NEBL: variants seen among roughly 807,000 people sequenced by gnomAD.
NEBL encodes the protein nebulette, also known as LIM and SH3 protein 2.
NEBL carries 122 observed loss-of-function variants against 140.2 expected under a neutral mutation model. The ratio of observed to expected loss-of-function variants is 0.87; its 90% CI spans 0.75 to 1.01. The LOEUF (loss-of-function observed/expected upper bound fraction) is 1.01, where lower values mean the gene tolerates loss of function less well. NEBL is among the 50% of genes least tolerant of loss of function. The probability of loss-of-function intolerance (pLI) is 0.00; values close to 1 mark genes in which losing one functional copy is unlikely to be tolerated. For synonymous variants in NEBL, 436 were observed against 398.9 expected, an observed-to-expected ratio of 1.09 and a Z score of -1.11; for missense variants, 1,365 against 1,231.3, an observed-to-expected ratio of 1.11 and a Z score of -1.62.
At position 21,137,098 on chromosome 10, in the gene NEBL, C is replaced by T. The variant is rs555511043; in HGVS notation, c.164+35285G>A. On this transcript the variant is annotated intron_variant, in intron 2 of 6. Transcript: ENST00000417816. ...TACAGGGAAGTGATTAAAGCATGGT[C>T]GTTGGTCTTAGGTAGATATGGGTCT... Among the ~76,000 whole-genome samples, 17 of 152,256 alleles carry T rather than the reference C, an allele frequency of 1.1e-4. No individual in the cohort carries two copies. The East Asian group carries it at 3.1e-3, about 28-fold the overall frequency.
intron 3 of NEBL, among the ~76,000 whole-genome samples, chr10:21,006,593 T>C (rs545072129): frequency 3.9e-5 from 6 of 152,114 alleles, no homozygotes; most frequent in Admixed American, 6.5e-5. Flanking sequence ...ACTGATGGAG[T>C]TCACTATACC....
intron 4 of NEBL, among the ~76,000 whole-genome samples, chr10:20,903,240 A>G (rs1847947657): frequency 6.6e-6 from 1 of 152,238 alleles, no homozygotes; most frequent in Non-Finnish European, 1.5e-5. Context: ...AAGAAGATAT[A>G]CAAATGGCTC....
intron 3 of NEBL, among the ~76,000 whole-genome samples, chr10:21,188,502 CAT>C (rs966017247): frequency 5.0e-4 from 76 of 151,696 alleles, no homozygotes; most frequent in African/African-American, 1.8e-3. Context: ...CAAAGTTTAA[CAT>C]GTGTTATAAG....
In NEBL at chr10:20,836,077, A is replaced by AT. The variant is rs199523568; in HGVS notation, c.1339-455dup. Reference sequence around the variant, plus strand: ...TTTTATTGTGCTTTGTAGATATTGCATTTTTTTTTACAAACTGAAGGTTTG... The same window carrying AT: ...TTTTATTGTGCTTTGTAGATATTGCATTTTTTTTTTACAAACTGAAGGTTTG... On this transcript the variant is annotated intron_variant, in intron 13 of 27. Coordinates refer to ENST00000377122, the MANE Select transcript of NEBL (RefSeq NM_006393.3). Among the ~76,000 whole-genome samples, 653 of 150,478 alleles carry AT rather than the reference A, an allele frequency of 4.3e-3. 5 individuals are homozygous for AT. The highest frequency in any genetic ancestry group is 0.014 in the African/African-American group (590 of 40,988).
chr10:21,181,705 T>A (rs1841390597), intron 3 of NEBL, among the ~76,000 whole-genome samples: 1 of 152,226 alleles, frequency 6.6e-6, no homozygotes, highest in African/African-American at 2.4e-5. Context: ...ATGCACAGGT[T>A]TCCTTGCCCA....
In NEBL at chr10:20,930,432, C is replaced by T. The variant is rs1834127053; in HGVS notation, c.357+31240G>A. ...TACTCATTCTCTGTGTACATTCTTG[C>T]ACCATAAAACCCATTTTTCCTAGAC... On this transcript the variant is annotated intron_variant, in intron 4 of 6. Coordinates refer to the NEBL transcript ENST00000417816. Among the ~76,000 whole-genome samples, 6 of 152,342 alleles carry T rather than the reference C, an allele frequency of 3.9e-5. No homozygotes were observed. In the South Asian group the frequency reaches 1.2e-3, roughly 32 times the overall value.
intron 26 of NEBL, among the ~76,000 whole-genome samples, chr10:20,795,773 T>C (rs1836445793): frequency 6.6e-6 from 1 of 152,286 alleles, no homozygotes; most frequent in African/African-American, 2.4e-5. Flanking sequence ...TCAAAGTCAC[T>C]GTGTACAACG....
chr10:20,800,759 C>T (rs2130704992), intron 26 of NEBL, among the ~76,000 whole-genome samples: 1 of 152,176 alleles, frequency 6.6e-6, no homozygotes, highest in East Asian at 1.9e-4. Flanking sequence ...ATTAATCCCT[C>T]TAGCGGACCA....
intron 26 of NEBL, chr10:20,804,306 T>C (rs1837414401): frequency 6.6e-6 from 1 of 152,164 alleles, no homozygotes; most frequent in South Asian, 2.1e-4. Flanking sequence ...AAATATGTAC[T>C]CATTAGCGCA....
intron 1 of NEBL, among the ~76,000 whole-genome samples, chr10:21,255,921 G>A (rs1842653666): frequency 6.6e-6 from 1 of 151,052 alleles, no homozygotes; most frequent in South Asian, 2.1e-4. Context: ...GGCAAAGGTT[G>A]CAGTGAGCTG....
intron 2 of NEBL, among the ~76,000 whole-genome samples, chr10:21,047,275 A>T (rs1183299884): frequency 6.6e-6 from 1 of 152,224 alleles, no homozygotes; most frequent in Non-Finnish European, 1.5e-5. Flanking sequence ...TAAAGTGATG[A>T]TTGAGACATT....
At chr10:21,128,954 C>A (rs1437532543) in intron 2 of NEBL, among the ~76,000 whole-genome samples, 2 of 152,126 alleles carry the variant, frequency 1.3e-5, no homozygotes, top group Admixed American at 6.5e-5. Flanking sequence ...AAACTAGAAA[C>A]AACAAAGTTT....
At chr10:21,121,694 G>A (rs574964725) in intron 2 of NEBL, among the ~76,000 whole-genome samples, 2 of 152,190 alleles carry the variant, frequency 1.3e-5, no homozygotes, top group African/African-American at 4.8e-5. Context: ...CTGAAATAGC[G>A]ATGCCATCTC....
chr10:21,150,894 G>A (rs1045717718), intron 2 of NEBL, among the ~76,000 whole-genome samples: 24 of 152,148 alleles, frequency 1.6e-4, no homozygotes, highest in Non-Finnish European at 7.3e-5. Flanking sequence ...ACAAGGTTCC[G>A]TTGTCAAAAC....
At chr10:20,826,141 T>C (rs1016964609) in intron 18 of NEBL, among the ~76,000 whole-genome samples, 1 of 152,238 alleles carries the variant, frequency 6.6e-6, no homozygotes, top group African/African-American at 2.4e-5. Context: ...AATGTATCCT[T>C]TCTCTGCAAA....
chr10:21,141,153 A>G (rs538833285), intron 2 of NEBL, among the ~76,000 whole-genome samples: 258 of 152,216 alleles, frequency 1.7e-3, no homozygotes, highest in African/African-American at 5.8e-3. Context: ...CCAAAAAGAC[A>G]TGAAACAATA....
At position 20,897,239 on chromosome 10, in the gene NEBL, T is replaced by A. The variant is rs142461920; in HGVS notation, c.-34A>T. 5 of 1,537,894 alleles carry A rather than the reference T, an allele frequency of 3.3e-6. No individual in the cohort carries two copies. In the Admixed American group the frequency reaches 9.9e-5, roughly 31 times the overall value. Reference sequence around the variant, plus strand: ...TTTAAAATATTTATATTTTTAAAATTTACTCATGTGGCGTCCTTTTCCATA... The same window carrying A: ...TTTAAAATATTTATATTTTTAAAATATACTCATGTGGCGTCCTTTTCCATA... On this transcript the variant is annotated 5_prime_UTR_variant, in exon 1 of 28. Transcript: ENST00000377122.
chr10:21,133,045 T>C (rs1839188698), intron 2 of NEBL, among the ~76,000 whole-genome samples: 1 of 152,364 alleles, frequency 6.6e-6, no homozygotes, highest in Non-Finnish European at 1.5e-5. Flanking sequence ...ATAAAACCAC[T>C]GCCTAATCCA....
At chr10:20,824,129 T>C (rs1839616538) in intron 18 of NEBL, among the ~76,000 whole-genome samples, 1 of 152,184 alleles carries the variant, frequency 6.6e-6, no homozygotes, top group Non-Finnish European at 1.5e-5. Context: ...TATTTTAATA[T>C]GTCTAAAATT....
Sources: gnomAD v4.1 joint callset for allele counts (sites outside exome capture counted in the v4.1 genomes callset) on GRCh38, gnomAD v4.1.1 for gene constraint, MANE v1.5 for transcripts, NCBI Gene and HGNC (gene_info 2026-07-23, HGNC 2026-07-21) for gene names.